Variants in DEPDC4 observed in about 807,000 individuals in gnomAD.
The protein encoded by DEPDC4 is DEP domain containing 4, also known as DEP domain-containing protein 4.
Under a neutral mutation model 52.0 loss-of-function variants are expected in DEPDC4, and 52 were observed. The observed-to-expected ratio is 1.00, with a 90% CI of 0.80 to 1.26. The LOEUF (loss-of-function observed/expected upper bound fraction) is 1.26. Among genes scored for constraint, DEPDC4 ranks in the 50% most tolerant of loss-of-function variants. DEPDC4 has a pLI of 0.00. For synonymous variants in DEPDC4, 201 were observed against 196.8 expected (o/e 1.02, Z -0.18); for missense variants, 530 against 546.9 (o/e 0.97, Z 0.31).
In DEPDC4 at chr12:100,240,538, G is replaced by A. The variant is rs1026221926; in HGVS notation, c.*1354C>T. Among the ~76,000 whole-genome samples, 3 of 152,054 alleles carry A rather than the reference G, an allele frequency of 2.0e-5. No individual in the cohort carries two copies. The highest frequency in any genetic ancestry group is 7.2e-5 in the African/African-American group (3 of 41,386). ...AACCTCTGCTACATTAGGGAATGAT[G>A]CCATAGAGTGAACTAACCAATTTAA... On this transcript the variant is annotated 3_prime_UTR_variant, in exon 10 of 10. Coordinates refer to ENST00000550587, the MANE Select transcript of DEPDC4 (RefSeq NM_001364818.2).
At chr12:100,239,593 C>T (rs1237421918), downstream of DEPDC4, among the ~76,000 whole-genome samples, 1 of 152,112 alleles carries the variant, frequency 6.6e-6, no homozygotes, top group Non-Finnish European at 1.5e-5. Context: ...CTATATTGCC[C>T]AGGCTGGCCT....
chr12:100,271,669 A>G (rs2096287850), upstream of DEPDC4, among the ~76,000 whole-genome samples: 2 of 152,212 alleles, frequency 1.3e-5, no homozygotes, highest in South Asian at 4.1e-4. Context: ...AAGTTATTAA[A>G]TGTAACTTCA....
At chr12:100,261,672 T>G (rs1203467692) in intron 3 of DEPDC4, 1 of 456,284 alleles carries the variant, frequency 2.2e-6, no homozygotes, top group Non-Finnish European at 4.4e-6. Context: ...CTCCAGTTAA[T>G]CTGGTCACAG....
At chr12:100,269,577 A>G (rs552033509), upstream of DEPDC4, among the ~76,000 whole-genome samples, 2 of 152,262 alleles carry the variant, frequency 1.3e-5, no homozygotes, top group African/African-American at 2.4e-5. Context: ...TTATCTTATC[A>G]TCACTGTTAA....
chr12:100,274,286 A>G, the DEPDC4 span, among the ~76,000 whole-genome samples: 1 of 152,194 alleles, frequency 6.6e-6, no homozygotes, highest in South Asian at 2.1e-4. Context: ...CCTCTTGCAC[A>G]TTTTTTAAGT....
Position 100,253,535 on chromosome 12 carries a change from T to G in DEPDC4, c.1059A>C (p.Leu353Phe). 1 of 1,287,828 alleles carries G rather than the reference T, an allele frequency of 7.8e-7. No homozygotes were observed. The highest frequency in any genetic ancestry group is 1.0e-6 in the Non-Finnish European group (1 of 987,830). The allele number at this position is 1,287,828 out of a possible 1,614,324, so 79.8% of individuals were successfully genotyped here. ...AATGAATATCAAAATACTCATCAGTTAATAGGCAATCTCTCTCTTGAGCAT... is the reference window on the plus strand; with the variant it reads ...AATGAATATCAAAATACTCATCAGTGAATAGGCAATCTCTCTCTTGAGCAT... ...KYYAQERDCLLTDEYFDIHSG... is the reference protein window; with the variant it reads ...KYYAQERDCLFTDEYFDIHSG... The change falls in exon 5 of 10, where the codon TTA becomes TTC. Residue 353 changes from leucine (L) to phenylalanine (F), a missense_variant. By Grantham distance (22) the Leu-to-Phe change is conservative. Transcript: ENST00000550587.
In DEPDC4 at chr12:100,263,718, A is replaced by G. The variant is rs765710912; in HGVS notation, c.333T>C (p.Ser111=). 1.9e-6 allele frequency: 3 copies of G among 1,614,152 alleles called. No homozygotes were observed. The highest frequency in any genetic ancestry group is 2.2e-5 in the South Asian group (2 of 91,088). ...LSHLMQNTCL[S]SNDISCLKGV... ...CTTTAAGACAAGAGATGTCATTGCTACTTAGGCACGTGTTTTGCATAAGAT... is the reference window on the plus strand; with the variant it reads ...CTTTAAGACAAGAGATGTCATTGCTGCTTAGGCACGTGTTTTGCATAAGAT... Residue 111 remains serine, a synonymous_variant, in exon 2 of 10, where the codon AGT becomes AGC. Transcript: ENST00000550587.
downstream of DEPDC4, among the ~76,000 whole-genome samples, chr12:100,235,978 T>C (rs2096140811): frequency 6.6e-6 from 1 of 152,242 alleles, no homozygotes; most frequent in Non-Finnish European, 1.5e-5. Context: ...TCACATAGAA[T>C]AATGGTCTCC....
chr12:100,233,241 G>C (rs1592858271), intron 9 of DEPDC4, among the ~76,000 whole-genome samples: 1 of 152,054 alleles, frequency 6.6e-6, no homozygotes, highest in African/African-American at 2.4e-5. Context: ...TCTAACCCAA[G>C]CTGCCACTCC....
chr12:100,237,045 C>A (rs1406790730), downstream of DEPDC4, among the ~76,000 whole-genome samples: 1 of 151,986 alleles, frequency 6.6e-6, no homozygotes, highest in African/African-American at 2.4e-5. Context: ...GGTCTATGTG[C>A]CTATTTTTAT....
At chr12:100,273,666 C>G in the DEPDC4 span, among the ~76,000 whole-genome samples, 2 of 152,164 alleles carry the variant, frequency 1.3e-5, no homozygotes, top group African/African-American at 2.4e-5. Context: ...AGTTTGCAGA[C>G]CACACCATAG....
At chr12:100,275,128 G>T in the DEPDC4 span, among the ~76,000 whole-genome samples, 4 of 151,766 alleles carry the variant, frequency 2.6e-5, no homozygotes, top group Admixed American at 6.6e-5. Flanking sequence ...TTTATTCATA[G>T]GTATTTCATA....
the DEPDC4 span, among the ~76,000 whole-genome samples, chr12:100,274,955 A>T: frequency 3.9e-4 from 59 of 152,314 alleles, no homozygotes; most frequent in East Asian, 0.01. Flanking sequence ...TTCTGGTTGA[A>T]TTGCATTGAG....
At chr12:100,275,426 A>T in the DEPDC4 span, among the ~76,000 whole-genome samples, 1 of 152,062 alleles carries the variant, frequency 6.6e-6, no homozygotes, top group East Asian at 1.9e-4. Context: ...AAACTCCTGT[A>T]CTCAAGCAAT....
chr12:100,238,030 C>T, downstream of DEPDC4: 2 of 979,914 alleles, frequency 2.0e-6, no homozygotes, highest in Non-Finnish European at 2.4e-6. Context: ...TCGAAGAGGG[C>T]TTGGTGGCAT....
chr12:100,237,894 C>T (rs1028232299), downstream of DEPDC4: 1 of 172,732 alleles, frequency 5.8e-6, no homozygotes, highest in Non-Finnish European at 1.1e-5. Flanking sequence ...ACAGCAGACG[C>T]AACAACATGG....
At chr12:100,267,477 G>A (rs532545939), upstream of DEPDC4, 16 of 164,156 alleles carry the variant, frequency 9.7e-5, no homozygotes, top group South Asian at 1.7e-3. Flanking sequence ...GGCGAGGAGG[G>A]AATGGAGGAC....
chr12:100,236,681 TTTAA>T (rs1213393175), downstream of DEPDC4, among the ~76,000 whole-genome samples: 1 of 152,218 alleles, frequency 6.6e-6, no homozygotes, highest in East Asian at 1.9e-4. Flanking sequence ...AGCGCTTTTG[TTTAA>T]TTAAGTCCCA....
chr12:100,245,336 G>A (rs1389144509), intron 8 of DEPDC4, among the ~76,000 whole-genome samples: 4 of 150,358 alleles, frequency 2.7e-5, no homozygotes, highest in African/African-American at 9.8e-5. Flanking sequence ...GCGAGATCTC[G>A]GCTCAATGCA....
Sources: gnomAD v4.1 joint callset for allele counts (sites outside exome capture counted in the v4.1 genomes callset) on GRCh38, gnomAD v4.1.1 for gene constraint, MANE v1.5 for transcripts, NCBI Gene and HGNC (gene_info 2026-07-23, HGNC 2026-07-21) for gene names.